Variants in EBF4 observed in about 807,000 individuals in gnomAD.
EBF4 encodes EBF transcription factor 4.
EBF4 carries 34 observed loss-of-function variants against 67.1 expected under a neutral mutation model. That is an observed-to-expected ratio of 0.51 (90% CI 0.39 to 0.67). The LOEUF (loss-of-function observed/expected upper bound fraction) is 0.67, where lower values mean the gene tolerates loss of function less well. Among genes scored for constraint, EBF4 ranks in the 30% least tolerant of loss-of-function variants. The pLI is 0.00. For missense variants in EBF4, 837 were observed against 873.3 expected (o/e 0.96, Z 0.52); for synonymous variants, 387 against 377.7 (o/e 1.02, Z -0.29).
At chr20:2,744,487 C>CTTTTTTTTTTTT (rs778840182) in intron 6 of EBF4, among the ~76,000 whole-genome samples, 25 of 111,490 alleles carry the variant, frequency 2.2e-4, no homozygotes, top group African/African-American at 5.5e-4. Flanking sequence ...TTCTTTTTTT[C>CTTTTTTTTTTTT]TTTTCTTTTT....
At chr20:2,701,034 T>G (rs2087367430) in intron 1 of EBF4, among the ~76,000 whole-genome samples, 3 of 152,220 alleles carry the variant, frequency 2.0e-5, no homozygotes, top group Admixed American at 1.3e-4. Flanking sequence ...TGCAGGGCTC[T>G]TGCCCACTCT....
intron 6 of EBF4, among the ~76,000 whole-genome samples, chr20:2,738,621 T>G (rs1453298510): frequency 6.6e-6 from 1 of 151,890 alleles, no homozygotes; most frequent in Non-Finnish European, 1.5e-5. Context: ...CAGGCCTGGT[T>G]TGGGGAAAGT....
chr20:2,693,571 G>A, upstream of EBF4: 1 of 1,303,430 alleles, frequency 7.7e-7, no homozygotes, highest in Middle Eastern at 2.9e-4. The surrounding 1 kb of genome is among the most constrained non-coding windows in gnomAD (Gnocchi z 4.6). Context: ...CGTCGGGTCG[G>A]GCTGAGCTAG....
chr20:2,748,512 C>T, intron 6 of EBF4, 37 bp from the exon 7 acceptor site: 1 of 1,541,268 alleles, frequency 6.5e-7, no homozygotes. Context: ...TTTCCAGAAC[C>T]CCCAGACCCT....
intron 6 of EBF4, among the ~76,000 whole-genome samples, chr20:2,729,954 G>C (rs748628054): frequency 7.2e-5 from 11 of 152,160 alleles, no homozygotes; most frequent in Non-Finnish European, 1.5e-4. Context: ...GGAAGCTCTG[G>C]AATGTGGATC....
rs1393837388 is a variant in EBF4 at position 2,756,741 on chromosome 20, T to C, written c.1738+917T>C. 1.3e-5 allele frequency among the ~76,000 whole-genome samples: 2 copies of C among 151,838 alleles called. No individual in the cohort carries two copies. Among genetic ancestry groups the C allele is most frequent in the South Asian group, 2.1e-4 (1 of 4,792 alleles). On this transcript the variant is annotated intron_variant, in intron 15 of 16. Transcript: ENST00000609451. This position sits in a 1 kb window ranked among gnomAD's most constrained non-coding sequence, Gnocchi z 4.5. ...TTGTGGGGCACTGATCTGGAAGAGG[T>C]TGGGTTAGAGCACGTCCTATTGAGT...
intron 6 of EBF4, among the ~76,000 whole-genome samples, chr20:2,731,373 C>G (rs1447275351): frequency 6.6e-6 from 1 of 152,160 alleles, no homozygotes. Context: ...CAGCTCTCCC[C>G]TAAGGTGACA....
intron 14 of EBF4, among the ~76,000 whole-genome samples, 160 bp downstream of exon 14, chr20:2,752,705 C>T (rs889043608): frequency 1.3e-5 from 2 of 152,208 alleles, no homozygotes; most frequent in African/African-American, 4.8e-5. Flanking sequence ...CCTGGGACCT[C>T]CCCTGCCGCA....
intron 6 of EBF4, among the ~76,000 whole-genome samples, chr20:2,740,932 C>T (rs1395476528): frequency 1.3e-5 from 2 of 151,896 alleles, no homozygotes; most frequent in East Asian, 1.9e-4. Flanking sequence ...AGCTGCGAGC[C>T]ATTTGACAGT....
Position 2,755,680 on chromosome 20 carries a change from G to A in EBF4, c.1594G>A (p.Ala532Thr), listed in dbSNP as rs1428541016. 1.2e-5 allele frequency: 16 copies of A among 1,354,424 alleles called. No homozygotes were observed. The highest frequency in any genetic ancestry group is 7.4e-5 in the South Asian group (6 of 80,732). 83.9% of individuals were successfully genotyped at this position (1,354,424 alleles called of 1,614,324 possible). ...TGCCTCCTCCATGTCCCTCCCGGCC[G>A]CTGCCCCCACCACCAGCGTGTTCTC... is the stretch of plus-strand genomic sequence containing the variant. The change falls in exon 15 of 17, where the codon GCT becomes ACT. Residue 532 changes from alanine to threonine, a missense_variant. Transcript: ENST00000609451. This position sits in a 1 kb window ranked among gnomAD's most constrained non-coding sequence, Gnocchi z 4.7.
chr20:2,754,689 C>T (rs2088208983), intron 14 of EBF4, among the ~76,000 whole-genome samples: 1 of 152,180 alleles, frequency 6.6e-6, no homozygotes, highest in African/African-American at 2.4e-5. Context: ...ACTCAGATCA[C>T]AGCCTTACCA....
At chr20:2,744,684 G>A (rs1296750480) in intron 6 of EBF4, among the ~76,000 whole-genome samples, 6 of 151,472 alleles carry the variant, frequency 4.0e-5, no homozygotes, top group Non-Finnish European at 8.8e-5. Flanking sequence ...TAGAGATGGA[G>A]TTTCGCAGCA....
intron 10 of EBF4, among the ~76,000 whole-genome samples, chr20:2,750,198 A>G (rs1233407786): frequency 6.6e-6 from 1 of 151,744 alleles, no homozygotes; most frequent in East Asian, 1.9e-4. Flanking sequence ...CTGGCTCCTT[A>G]GTCCCTTCCC....
rs1360472278 is a variant in EBF4, at chr20:2,756,951, T to A, written c.1738+1127T>A. 6.6e-6 allele frequency among the ~76,000 whole-genome samples: 1 copy of A among 152,262 alleles called. No homozygotes were observed. Among genetic ancestry groups the A allele is most frequent in the African/African-American group, 2.4e-5 (1 of 41,466 alleles). On this transcript the variant is annotated intron_variant, in intron 15 of 16. Transcript: ENST00000609451. This position sits in a 1 kb window ranked among gnomAD's most constrained non-coding sequence, Gnocchi z 4.5. ...AAAAATGTATTTTTCTAACAGCATC[T>A]TGAGATTAGTTCCTGGGGAATGACC... is the stretch of plus-strand genomic sequence containing the variant.
intron 6 of EBF4, among the ~76,000 whole-genome samples, chr20:2,737,463 T>C (rs893031957): frequency 6.6e-6 from 1 of 151,972 alleles, no homozygotes; most frequent in Non-Finnish European, 1.5e-5. Context: ...TGGGAGCAAG[T>C]TCTCACCTCC....
chr20:2,708,849 A>G (rs2087497470), intron 5 of EBF4, among the ~76,000 whole-genome samples: 1 of 152,226 alleles, frequency 6.6e-6, no homozygotes, highest in Non-Finnish European at 1.5e-5. Context: ...GCCACGCAGC[A>G]CTTCTTGGTG....
chr20:2,713,485 G>C (rs777486923), intron 6 of EBF4, among the ~76,000 whole-genome samples: 30 of 152,142 alleles, frequency 2.0e-4, no homozygotes, highest in African/African-American at 3.4e-4. Context: ...GAACCAGGGG[G>C]ATGAATGTCA....
intron 5 of EBF4, among the ~76,000 whole-genome samples, chr20:2,709,313 G>T (rs2087505105): frequency 6.6e-6 from 1 of 152,102 alleles, no homozygotes; most frequent in African/African-American, 2.4e-5. Flanking sequence ...CCCTTTCCTG[G>T]GTCCTCCAGG....
Position 2,747,317 on chromosome 20 carries a change from CAA to C in EBF4, c.558-1220_558-1219del, listed in dbSNP as rs57405059. Among the ~76,000 whole-genome samples the C allele has an allele frequency of 7.9e-6, 1 of 127,362 alleles. No homozygotes were observed. Among genetic ancestry groups the C allele is most frequent in the Non-Finnish European group, 1.7e-5 (1 of 58,680 alleles). 83.6% of individuals were successfully genotyped at this position (127,362 alleles called of 152,430 possible). A position where few individuals can be genotyped will look rare whatever the true frequency, so the allele number is the denominator to read the frequency against. The stretch of plus-strand genomic sequence containing the variant: ...GTCTCAAAACAAAAAACAAAACAAA[CAA>C]AAAAAAAAAAACAGGAAAAAAAAGA... On this transcript the variant is annotated intron_variant, in intron 6 of 16. Transcript: ENST00000609451. The surrounding 1 kb of genome is among the most constrained non-coding windows in gnomAD (Gnocchi z 4.6).
Sources: gnomAD v4.1 joint callset for allele counts (sites outside exome capture counted in the v4.1 genomes callset) on GRCh38, gnomAD v4.1.1 for gene constraint, Gnocchi (gnomAD v3.1) non-coding constraint, MANE v1.5 for transcripts, NCBI Gene and HGNC (gene_info 2026-07-23, HGNC 2026-07-21) for gene names.